Variants in STIM2 observed in about 807,000 individuals in gnomAD.
STIM2 encodes the protein stromal interaction molecule 2.
In STIM2, 31 loss-of-function variants were observed where a neutral mutation model predicts 85.8. That is an observed-to-expected ratio of 0.36 (90% CI 0.27 to 0.49). STIM2 has a LOEUF of 0.49. Ranked by LOEUF, STIM2 falls within the 20% of genes least tolerant of loss-of-function variation. The probability of loss-of-function intolerance (pLI) is 0.98; values close to 1 mark genes in which losing one functional copy is unlikely to be tolerated. For missense variants in STIM2, 841 were observed against 927.6 expected, an observed-to-expected ratio of 0.91 and a Z score of 1.21; for synonymous variants, 356 against 331.1, an observed-to-expected ratio of 1.08 and a Z score of -0.82.
chr4:26,920,210 T>G (rs568008019), intron 2 of STIM2, among the ~76,000 whole-genome samples: 1 of 152,306 alleles, frequency 6.6e-6, no homozygotes, highest in Admixed American at 6.5e-5. Flanking sequence ...AGTTCCCATG[T>G]GCAAGTGTTT....
At chr4:26,999,488 T>A (rs569980772) in intron 5 of STIM2, 141 bp downstream of exon 5, 174 of 354,758 alleles carry the variant, frequency 4.9e-4, no homozygotes, top group Middle Eastern at 1.1e-3. Context: ...AATACTACCT[T>A]AAAAGATTTA....
At chr4:26,945,004 G>A (rs1362619416) in intron 2 of STIM2, among the ~76,000 whole-genome samples, 1 of 152,134 alleles carries the variant, frequency 6.6e-6, no homozygotes, top group Non-Finnish European at 1.5e-5. Flanking sequence ...CATTAAATGT[G>A]TGTCATGGGG....
intron 3 of STIM2, among the ~76,000 whole-genome samples, chr4:26,967,950 C>G (rs966669157): frequency 2.6e-5 from 4 of 151,952 alleles, no homozygotes; most frequent in Admixed American, 6.6e-5. Flanking sequence ...TATTAACAGG[C>G]AGGAAGATCA....
intron 1 of STIM2, among the ~76,000 whole-genome samples, chr4:26,883,184 G>C (rs1723093366): frequency 6.7e-6 from 1 of 149,820 alleles, no homozygotes; most frequent in Admixed American, 6.6e-5. Context: ...CTGATGATCA[G>C]AGAAGCCTGC....
intron 7 of STIM2, among the ~76,000 whole-genome samples, chr4:27,004,235 C>G (rs918667587): frequency 5.3e-5 from 8 of 152,166 alleles, no homozygotes; most frequent in African/African-American, 1.7e-4. Flanking sequence ...CACTCCTTCT[C>G]TCACACCCCC....
chr4:26,921,885 TATC>T (rs1223157287), intron 2 of STIM2, among the ~76,000 whole-genome samples: 1 of 152,210 alleles, frequency 6.6e-6, no homozygotes, highest in Non-Finnish European at 1.5e-5. Context: ...TTCTGCTATT[TATC>T]ATGATTAAAA....
chr4:26,957,552 T>G, intron 2 of STIM2, 60 bp from the exon 3 acceptor site: 1 of 1,003,252 alleles, frequency 1.0e-6, no homozygotes. Flanking sequence ...CATCTTTTTC[T>G]CTAGTTGTCA....
chr4:26,869,252 T>G (rs1460406605), intron 1 of STIM2, among the ~76,000 whole-genome samples: 2 of 138,462 alleles, frequency 1.4e-5, no homozygotes, highest in African/African-American at 5.6e-5. Context: ...CAAGCCCTGA[T>G]CAGGCCACTG....
chr4:26,941,358 G>A (rs1242862777), intron 2 of STIM2, among the ~76,000 whole-genome samples: 1 of 151,918 alleles, frequency 6.6e-6, no homozygotes, highest in Non-Finnish European at 1.5e-5. Flanking sequence ...ATTCCTTTAT[G>A]GTATTTGTTG....
At chr4:26,874,332 C>T (rs1390892845) in intron 1 of STIM2, 6 of 306,238 alleles carry the variant, frequency 2.0e-5, no homozygotes, top group African/African-American at 1.3e-4. Flanking sequence ...CCCCTACACC[C>T]TGCCGCTGAG....
At chr4:26,874,869 C>G (rs1005093369) in intron 1 of STIM2, among the ~76,000 whole-genome samples, 1 of 152,174 alleles carries the variant, frequency 6.6e-6, no homozygotes, top group Non-Finnish European at 1.5e-5. Flanking sequence ...GAAAACTAAA[C>G]TAATGAAGGT....
Position 26,996,450 on chromosome 4 carries a change from A to G in STIM2, c.509+960A>G, listed in dbSNP as rs140375291. 3.5e-3 allele frequency among the ~76,000 whole-genome samples: 530 copies of G among 152,116 alleles called. 10 individuals are homozygous for G. Among genetic ancestry groups the G allele is most frequent in the Non-Finnish European group, 8.7e-4 (59 of 67,924 alleles). ...AATGAAATATATACATTGTGTCCCT[A>G]GTCAACTTCCTTACATGCCCTATTT... On this transcript the variant is annotated intron_variant, in intron 4 of 11. Coordinates refer to ENST00000467087, the MANE Select transcript of STIM2 (RefSeq NM_020860.4).
At chr4:26,869,700 A>G (rs1157355088) in intron 1 of STIM2, among the ~76,000 whole-genome samples, 2 of 151,890 alleles carry the variant, frequency 1.3e-5, no homozygotes, top group Admixed American at 6.6e-5. Flanking sequence ...ACTTTTTAAA[A>G]TGTAAACCTG....
At chr4:26,988,461 T>C (rs1727657770) in intron 3 of STIM2, among the ~76,000 whole-genome samples, 1 of 152,218 alleles carries the variant, frequency 6.6e-6, no homozygotes, top group Admixed American at 6.5e-5. Flanking sequence ...GGGAACATTG[T>C]ACAGAAAGCT....
intron 2 of STIM2, among the ~76,000 whole-genome samples, chr4:26,943,314 TTAGG>T (rs1725688904): frequency 6.6e-6 from 1 of 152,136 alleles, no homozygotes; most frequent in Non-Finnish European, 1.5e-5. Flanking sequence ...TTCAAAATAA[TTAGG>T]TAGTTTCCAA....
chr4:26,973,194 C>T (rs1335073163), intron 3 of STIM2, among the ~76,000 whole-genome samples: 1 of 152,088 alleles, frequency 6.6e-6, no homozygotes, highest in Non-Finnish European at 1.5e-5. Flanking sequence ...AAAACCCGCT[C>T]CTGGATTGAT....
At position 26,907,473 on chromosome 4, in the gene STIM2, A is replaced by C. The variant is rs575891706; in HGVS notation, c.152-12031A>C. On this transcript the variant is annotated intron_variant, in intron 1 of 11. Coordinates refer to ENST00000467087, the MANE Select transcript of STIM2 (RefSeq NM_020860.4). ...GCTGTTAACAAGTACTGAAGTCTCC[A>C]TTTTCTCCCTCTTGCTTTTGGATGT... is the stretch of plus-strand genomic sequence containing the variant. Among the ~76,000 whole-genome samples the C allele has an allele frequency of 6.6e-5, 10 of 152,194 alleles. 1 individual carries two copies. The South Asian group carries it at 2.1e-3, about 32-fold the overall frequency.
intron 3 of STIM2, among the ~76,000 whole-genome samples, chr4:26,979,493 G>A (rs1474269488): frequency 6.6e-6 from 1 of 152,138 alleles, no homozygotes; most frequent in Non-Finnish European, 1.5e-5. Context: ...GAAGGTTTTT[G>A]CAGTGCCATG....
chr4:26,948,781 G>GT (rs558423142), intron 2 of STIM2, among the ~76,000 whole-genome samples: 2,987 of 147,036 alleles, frequency 0.02, 81 homozygotes, highest in African/African-American at 0.063. Context: ...TAATTCTTTA[G>GT]TTTTTTTTTT....
Sources: allele counts gnomAD v4.1 joint callset (sites outside exome capture counted in the v4.1 genomes callset), GRCh38; gene constraint gnomAD v4.1.1; transcripts MANE v1.5; gene names NCBI Gene and HGNC (gene_info 2026-07-23, HGNC 2026-07-21).